COLQ: variants seen among roughly 807,000 people sequenced by gnomAD.
COLQ encodes the protein acetylcholinesterase collagenic tail peptide.
In COLQ, 48 loss-of-function variants were observed where a neutral mutation model predicts 69.0. The observed-to-expected ratio is 0.70, with a 90% CI of 0.55 to 0.88. The LOEUF is 0.88. Ranked by LOEUF, COLQ falls within the 40% of genes least tolerant of loss-of-function variation. The pLI, the probability that COLQ is intolerant of heterozygous loss-of-function variation, is 0.00. For synonymous variants in COLQ, 217 were observed against 211.2 expected (o/e 1.03, Z -0.24); for missense variants, 618 against 594.6 (o/e 1.04, Z -0.41).
At chr3:15,451,836 T>C (rs2125077853) in intron 16 of COLQ, 123 bp from the exon 17 acceptor site, 1 of 837,588 alleles carries the variant, frequency 1.2e-6, no homozygotes, top group Admixed American at 1.9e-5. Context: ...CATTCTCATT[T>C]GGAGTGAGAG....
intron 13 of COLQ, 145 bp downstream of exon 13, chr3:15,458,041 A>C: frequency 1.2e-6 from 1 of 842,716 alleles, no homozygotes; most frequent in East Asian, 2.6e-5. Flanking sequence ...TGATTTTCTC[A>C]TATTTTCCAA....
chr3:15,510,563 C>T (rs73031580), intron 1 of COLQ, among the ~76,000 whole-genome samples: 20,794 of 151,440 alleles, frequency 0.14, 1,949 homozygotes, highest in East Asian at 0.43. Context: ...CAAAACTTGG[C>T]TGGTTATGGT....
In COLQ at chr3:15,474,245, C is replaced by T. The variant is rs1287488637; in HGVS notation, c.583G>A (p.Gly195Ser). 2 of 1,613,860 alleles carry T rather than the reference C, an allele frequency of 1.2e-6. No individual in the cohort carries two copies. Among genetic ancestry groups the T allele is most frequent in the Non-Finnish European group, 1.7e-6 (2 of 1,179,910 alleles). The change falls in exon 9 of 17, where the codon GGT becomes AGT. Residue 195 changes from glycine (G) to serine (S), a missense_variant. Physicochemically the swap from Gly to Ser is moderately conservative, Grantham distance 56. Transcript: ENST00000383788. ...TCCATTACCTTTTCTCCTTTGGGAC[C>T]CAGGTCACCCTTTTCACCTCTGGAT... ...KGSRGEKGDL[G>S]PKGEKGFPGF...
At chr3:15,472,267 CTG>C (rs2062301144) in intron 10 of COLQ, among the ~76,000 whole-genome samples, 1 of 152,182 alleles carries the variant, frequency 6.6e-6, no homozygotes, top group Non-Finnish European at 1.5e-5. Flanking sequence ...TTAAGTAAAA[CTG>C]TTTTTTCTCT....
intron 3 of COLQ, among the ~76,000 whole-genome samples, chr3:15,480,219 A>C (rs2062454490): frequency 6.6e-6 from 1 of 152,214 alleles, no homozygotes; most frequent in South Asian, 2.1e-4. Flanking sequence ...TCTAGGGTAC[A>C]TGTGCACAAC....
chr3:15,503,508 G>A (rs2062860938), intron 1 of COLQ, among the ~76,000 whole-genome samples: 1 of 152,118 alleles, frequency 6.6e-6, no homozygotes. Flanking sequence ...GGACTGTTAG[G>A]TGAGCAAAAA....
rs1331783588 is a variant in COLQ, at chr3:15,479,160, T to C, written c.367-157A>G. 2.6e-5 allele frequency among the ~76,000 whole-genome samples: 4 copies of C among 152,252 alleles called. No homozygotes were observed. The South Asian group carries it at 8.3e-4, about 32-fold the overall frequency. ...GCCATGTCGATAGGCCACGTCAAAA[T>C]ACACCAGTGGTATCCCATATGTGCT... On this transcript the variant is annotated intron_variant, in intron 4 of 16. Transcript: ENST00000383788.
At chr3:15,496,354 T>G (rs1204977101) in intron 1 of COLQ, 1 of 155,894 alleles carries the variant, frequency 6.4e-6, no homozygotes, top group Non-Finnish European at 1.5e-5. Context: ...TTCAGAATAT[T>G]TCCATCAGGT....
In COLQ at chr3:15,499,951, G is replaced by A. The variant is rs73816221; in HGVS notation, c.107-10314C>T. On this transcript the variant is annotated intron_variant, in intron 1 of 16. Transcript: ENST00000383788. ...TACAGCTTTTGGAATTCCTGGCACC[G>A]AATAAGGGCTCTCTTATTGACATAT... Among the ~76,000 whole-genome samples, 109 of 152,314 alleles carry A rather than the reference G, an allele frequency of 7.2e-4. 1 individual carries two copies. The highest frequency in any genetic ancestry group is 2.4e-3 in the African/African-American group (98 of 41,564).
chr3:15,459,517 C>G (rs1224190070), intron 12 of COLQ, among the ~76,000 whole-genome samples: 2 of 144,444 alleles, frequency 1.4e-5, no homozygotes, highest in African/African-American at 5.2e-5. Flanking sequence ...CTCACTCTGT[C>G]GCCCAGGGTG....
rs755006644 is a variant in COLQ at position 15,466,328 on chromosome 3, G to A, written c.814+13C>T. The A allele has an allele frequency of 5.0e-6, 8 of 1,595,332 alleles. No individual in the cohort carries two copies. The African/African-American group carries it at 8.0e-5, about 16-fold the overall frequency. Reference sequence around the variant, plus strand: ...CTCCAACAGTGGATCAAGTGAAGCAGTGTAGCTCTTACCTGCAGGTGGGGG... The same window carrying A: ...CTCCAACAGTGGATCAAGTGAAGCAATGTAGCTCTTACCTGCAGGTGGGGG... On this transcript the variant is annotated intron_variant, in intron 12 of 16. Transcript: ENST00000383788.
chr3:15,470,443 T>C, intron 11 of COLQ, 93 bp downstream of exon 11: 1 of 1,120,246 alleles, frequency 8.9e-7, no homozygotes, highest in South Asian at 1.2e-5. Context: ...GTCTACAGAA[T>C]ATCTCTGATT....
rs372048848 is a variant in COLQ, at chr3:15,454,108, C to T, written c.1196-177G>A. 2.6e-5 allele frequency among the ~76,000 whole-genome samples: 4 copies of T among 152,154 alleles called. No individual in the cohort carries two copies. In the South Asian group the frequency reaches 6.2e-4, roughly 24 times the overall value. ...CTGCCCACAGGCTCTGGTCCCACAG[C>T]GATGTGCCATGGGACAAGAAGAAGG... On this transcript the variant is annotated intron_variant, in intron 15 of 16. Coordinates refer to ENST00000383788, the MANE Select transcript of COLQ (RefSeq NM_005677.4).
rs201850242 is a variant in COLQ at position 15,474,268 on chromosome 3, G to C, written c.560C>G (p.Ser187Cys). Residue 187 changes from serine (S) to cysteine (C), a missense_variant, in exon 9 of 17, where the codon TCC (serine) becomes TGC (cysteine). Coordinates refer to ENST00000383788, the MANE Select transcript of COLQ (RefSeq NM_005677.4). ...ACCCAGGTCACCCTTTTCACCTCTG[G>C]ATCCCTAGGAAGAAACCATAGGAGA... ...GYPGSRGEKG[S>C]RGEKGDLGPK... The C allele has an allele frequency of 6.2e-7, 1 of 1,613,846 alleles. No individual in the cohort carries two copies. Among genetic ancestry groups the C allele is most frequent in the African/African-American group, 1.3e-5 (1 of 75,014 alleles).
At chr3:15,469,424 A>C (rs1304842692) in intron 11 of COLQ, among the ~76,000 whole-genome samples, 2 of 152,156 alleles carry the variant, frequency 1.3e-5, no homozygotes, top group Admixed American at 1.3e-4. Context: ...TTTTTATCTG[A>C]GCCTACTTTT....
intron 1 of COLQ, among the ~76,000 whole-genome samples, chr3:15,497,935 G>A (rs1304777393): frequency 6.6e-6 from 1 of 152,130 alleles, no homozygotes; most frequent in Non-Finnish European, 1.5e-5. Flanking sequence ...CCTAAAAGTT[G>A]CACGTAATTT....
chr3:15,453,696 A>G (rs2061981810), intron 16 of COLQ, 133 bp downstream of exon 16: 2 of 702,686 alleles, frequency 2.8e-6, no homozygotes, highest in South Asian at 1.5e-5. Flanking sequence ...TGTGTCATTC[A>G]TCACCATACC....
intron 5 of COLQ, 84 bp downstream of exon 5, chr3:15,478,893 G>T: frequency 6.5e-7 from 1 of 1,532,808 alleles, no homozygotes; most frequent in Non-Finnish European, 9.0e-7. Context: ...GAAGTGCATT[G>T]CTGTTCCCCC....
chr3:15,472,611 A>G (rs1372959004), intron 10 of COLQ, among the ~76,000 whole-genome samples: 1 of 152,168 alleles, frequency 6.6e-6, no homozygotes, highest in African/African-American at 2.4e-5. Flanking sequence ...AGGAGCCAAA[A>G]TGATGTTAGC....
Sources: gnomAD v4.1 joint callset for allele counts (sites outside exome capture counted in the v4.1 genomes callset) on GRCh38, gnomAD v4.1.1 for gene constraint, MANE v1.5 for transcripts, NCBI Gene and HGNC (gene_info 2026-07-23, HGNC 2026-07-21) for gene names.